MRAP2: variants seen among roughly 807,000 people sequenced by gnomAD.
The protein encoded by MRAP2 is melanocortin-2 receptor accessory protein 2.
Under a neutral mutation model 17.4 loss-of-function variants are expected in MRAP2, and 20 were observed. That is an observed-to-expected ratio of 1.15 (90% CI 0.81 to 1.67). MRAP2 has a LOEUF of 1.67. Ranked by LOEUF, MRAP2 falls within the 40% of genes most tolerant of loss-of-function variation. The probability of loss-of-function intolerance (pLI) is 0.00; values close to 1 mark genes in which losing one functional copy is unlikely to be tolerated. For missense variants in MRAP2, 238 were observed against 240.0 expected (o/e 0.99, Z 0.05); for synonymous variants, 96 against 88.4 (o/e 1.09, Z -0.48).
At chr6:84,036,491 G>A (rs1401493748) in intron 1 of MRAP2, among the ~76,000 whole-genome samples, 3 of 152,020 alleles carry the variant, frequency 2.0e-5, no homozygotes, top group African/African-American at 7.3e-5. Context: ...ATGTTCGGAC[G>A]TGTTTGGAGT....
At chr6:84,124,803 T>TGAAA in the MRAP2 span, 8 of 416,862 alleles carry the variant, frequency 1.9e-5, no homozygotes, top group Middle Eastern at 6.0e-4. Context: ...TTTCTATTTC[T>TGAAA]AGCATACAAG....
At chr6:84,043,878 A>G (rs1399559948) in intron 1 of MRAP2, among the ~76,000 whole-genome samples, 1 of 152,220 alleles carries the variant, frequency 6.6e-6, no homozygotes, top group Admixed American at 6.5e-5. Context: ...GTTCAAAACT[A>G]GTGCTCTTTC....
chr6:84,068,884 G>C (rs909144599), intron 3 of MRAP2, among the ~76,000 whole-genome samples: 1 of 148,740 alleles, frequency 6.7e-6, no homozygotes, highest in South Asian at 2.1e-4. Context: ...GCCCAGGCTG[G>C]TCTCGAACTC....
the MRAP2 span, among the ~76,000 whole-genome samples, chr6:84,131,034 C>T: frequency 1.1e-4 from 17 of 152,104 alleles, no homozygotes; most frequent in African/African-American, 3.6e-4. Flanking sequence ...TAAATGTGTC[C>T]CAGAGATTCT....
chr6:84,115,440 G>A, the MRAP2 span, among the ~76,000 whole-genome samples: 22 of 152,222 alleles, frequency 1.4e-4, no homozygotes, highest in South Asian at 1.5e-3. Context: ...AAGTTTGAGC[G>A]TCCCAGGTTG....
chr6:84,095,172 C>T (rs2099502455), downstream of MRAP2, among the ~76,000 whole-genome samples: 1 of 152,192 alleles, frequency 6.6e-6, no homozygotes, highest in Non-Finnish European at 1.5e-5. Flanking sequence ...TTAGGGGAAC[C>T]CTGTGTTTTG....
the MRAP2 span, among the ~76,000 whole-genome samples, chr6:84,120,330 G>GCT: frequency 6.6e-6 from 1 of 152,138 alleles, no homozygotes; most frequent in Non-Finnish European, 1.5e-5. Flanking sequence ...GACATACCCA[G>GCT]AAAGAATGCT....
the MRAP2 span, among the ~76,000 whole-genome samples, chr6:84,116,539 A>C: frequency 6.6e-6 from 1 of 152,228 alleles, no homozygotes; most frequent in Non-Finnish European, 1.5e-5. Context: ...CAGCAGTGTG[A>C]GAACAGACTA....
intron 1 of MRAP2, among the ~76,000 whole-genome samples, chr6:84,036,126 C>CT (rs76339606): frequency 0.016 from 2,278 of 139,064 alleles, 54 homozygotes; most frequent in African/African-American, 0.054. Flanking sequence ...TCTGTCTAGT[C>CT]TTTTTTTTTT....
rs571407210 is a variant in MRAP2, at chr6:84,036,515, T to C, written c.-8+2632T>C. 2.0e-5 allele frequency among the ~76,000 whole-genome samples: 3 copies of C among 152,252 alleles called. No homozygotes were observed. In the South Asian group the frequency reaches 6.2e-4, roughly 32 times the overall value. On this transcript the variant is annotated intron_variant, in intron 1 of 3. Coordinates refer to ENST00000257776, the MANE Select transcript of MRAP2 (RefSeq NM_138409.4). Reference sequence around the variant, plus strand: ...CGTGTTTGGAGTTTCTTCCTTCTGGTGGGTTTGTGGTCTCGCTGGCTTCAG... The same window carrying C: ...CGTGTTTGGAGTTTCTTCCTTCTGGCGGGTTTGTGGTCTCGCTGGCTTCAG...
At chr6:84,108,306 G>A in the MRAP2 span, among the ~76,000 whole-genome samples, 6 of 152,204 alleles carry the variant, frequency 3.9e-5, no homozygotes, top group South Asian at 2.1e-4. Context: ...CAGTATAAAA[G>A]TATTCCTTTT....
At chr6:84,071,471 C>T (rs1175462461) in intron 3 of MRAP2, among the ~76,000 whole-genome samples, 1 of 152,070 alleles carries the variant, frequency 6.6e-6, no homozygotes, top group Non-Finnish European at 1.5e-5. Flanking sequence ...TAGGTTTTTC[C>T]TTTATAGGTT....
the MRAP2 span, among the ~76,000 whole-genome samples, chr6:84,134,760 T>C: frequency 1.3e-5 from 2 of 152,240 alleles, no homozygotes; most frequent in East Asian, 1.9e-4. Context: ...TTGATCTCAC[T>C]GAGACCTGTA....
chr6:84,064,494 TG>T lies in MRAP2; in HGVS notation c.227+1503del, dbSNP rs1427530400. On this transcript the variant is annotated intron_variant, in intron 3 of 3. Transcript: ENST00000257776. ...GCATTTTGGTTTTGTTTTGTTTTTT[TG>T]TTTGTTTTTTGAGACGGAGTCTTGC... 9.3e-5 allele frequency among the ~76,000 whole-genome samples: 14 copies of T among 150,658 alleles called. No homozygotes were observed. In the East Asian group the frequency reaches 2.5e-3, roughly 27 times the overall value.
the MRAP2 span, among the ~76,000 whole-genome samples, chr6:84,118,612 T>C: frequency 3.9e-5 from 6 of 152,198 alleles, no homozygotes; most frequent in African/African-American, 1.4e-4. Flanking sequence ...AAGGGCTGAG[T>C]TGACCAAACA....
At chr6:84,146,172 C>T in the MRAP2 span, among the ~76,000 whole-genome samples, 1 of 152,106 alleles carries the variant, frequency 6.6e-6, no homozygotes, top group Non-Finnish European at 1.5e-5. Flanking sequence ...CAAATCTCTT[C>T]AAAGCTACCA....
intron 3 of MRAP2, among the ~76,000 whole-genome samples, chr6:84,066,350 T>A (rs1266578371): frequency 1.3e-5 from 2 of 152,214 alleles, no homozygotes; most frequent in African/African-American, 4.8e-5. Context: ...GTATAAGATA[T>A]GGCATTTGGT....
intron 2 of MRAP2, among the ~76,000 whole-genome samples, chr6:84,059,450 G>C (rs2099492523): frequency 6.6e-6 from 1 of 152,214 alleles, no homozygotes; most frequent in South Asian, 2.1e-4. Context: ...TCTCTTTCAA[G>C]TGAAGTATTA....
At chr6:84,133,279 G>A in the MRAP2 span, among the ~76,000 whole-genome samples, 21 of 152,326 alleles carry the variant, frequency 1.4e-4, no homozygotes, top group East Asian at 3.9e-3. Context: ...CTATTGGGAG[G>A]TGTCTCCCAG....
Sources: allele counts gnomAD v4.1 joint callset (sites outside exome capture counted in the v4.1 genomes callset), GRCh38; gene constraint gnomAD v4.1.1; transcripts MANE v1.5; gene names NCBI Gene and HGNC (gene_info 2026-07-23, HGNC 2026-07-21).